HDAC4: variants seen among roughly 807,000 people sequenced by gnomAD.
HDAC4 encodes the protein histone deacetylase 4, also known as histone deacetylase A.
A neutral mutation model predicts 135.1 loss-of-function variants in HDAC4; 16 were observed. That is an observed-to-expected ratio of 0.12 (90% CI 0.08 to 0.18). The LOEUF is 0.18. Among genes scored for constraint, HDAC4 ranks in the 10% least tolerant of loss-of-function variants. The probability of loss-of-function intolerance (pLI) is 1.00; values close to 1 mark genes in which losing one functional copy is unlikely to be tolerated. For synonymous variants in HDAC4, 685 were observed against 653.4 expected, an observed-to-expected ratio of 1.05 and a Z score of -0.74; for missense variants, 1,143 against 1,511.8, an observed-to-expected ratio of 0.76 and a Z score of 4.05.
chr2:239,092,517 G>A (rs867765278), intron 17 of HDAC4, among the ~76,000 whole-genome samples: 4 of 152,224 alleles, frequency 2.6e-5, no homozygotes, highest in African/African-American at 9.6e-5. Flanking sequence ...CACCTGGGGT[G>A]CCAAGGAGCT....
At position 239,052,737 on chromosome 2, in the gene HDAC4, T is replaced by C. The variant is rs921533280; in HGVS notation, c.*360A>G. ...TATTAGATCTTTGATATTTGTTTTCTGTGCCTCGTGTCAACTGAATTCGGC... is the reference window on the plus strand; with the variant it reads ...TATTAGATCTTTGATATTTGTTTTCCGTGCCTCGTGTCAACTGAATTCGGC... On this transcript the variant is annotated 3_prime_UTR_variant, in exon 27 of 27. Coordinates refer to ENST00000543185, the MANE Select transcript of HDAC4 (RefSeq NM_001378414.1). 1.5e-5 allele frequency: 5 copies of C among 343,060 alleles called. No homozygotes were observed. The highest frequency in any genetic ancestry group is 2.2e-5 in the Non-Finnish European group (4 of 183,538). The allele number at this position is 343,060 out of a possible 1,614,324, so 21.3% of individuals were successfully genotyped here.
intron 12 of HDAC4, among the ~76,000 whole-genome samples, chr2:239,122,938 G>A (rs2039817978): frequency 6.6e-6 from 1 of 152,204 alleles, no homozygotes; most frequent in South Asian, 2.1e-4. Context: ...AGCCCCTGGG[G>A]ACGTCATCCT....
intron 3 of HDAC4, among the ~76,000 whole-genome samples, chr2:239,201,214 C>T (rs1364608652): frequency 2.0e-5 from 3 of 152,170 alleles, no homozygotes; most frequent in Non-Finnish European, 2.9e-5. Flanking sequence ...TGAGAGGAGG[C>T]TGGTCTTGCT....
At chr2:239,075,734 C>T (rs979537487) in intron 22 of HDAC4, among the ~76,000 whole-genome samples, 2 of 152,272 alleles carry the variant, frequency 1.3e-5, no homozygotes, top group African/African-American at 2.4e-5. Flanking sequence ...CACAGCACTG[C>T]ACCCTTCACT....
chr2:239,332,686 C>T (rs1035322599), intron 2 of HDAC4, among the ~76,000 whole-genome samples: 1 of 150,652 alleles, frequency 6.6e-6, no homozygotes, highest in South Asian at 2.1e-4. Flanking sequence ...AAAACAACAA[C>T]CCCAGCAAAT....
chr2:239,362,099 C>T (rs1415923362), intron 1 of HDAC4, among the ~76,000 whole-genome samples: 1 of 152,180 alleles, frequency 6.6e-6, no homozygotes, highest in Non-Finnish European at 1.5e-5. Flanking sequence ...CCCTAACTTA[C>T]CAGATGCACT....
intron 1 of HDAC4, among the ~76,000 whole-genome samples, chr2:239,363,703 C>T (rs990535113): frequency 1.3e-5 from 2 of 152,006 alleles, no homozygotes; most frequent in African/African-American, 4.8e-5. Flanking sequence ...AGGTACTGAC[C>T]ATGAAGGAAA....
At chr2:239,171,513 G>A (rs1427540963) in intron 5 of HDAC4, among the ~76,000 whole-genome samples, 1 of 152,214 alleles carries the variant, frequency 6.6e-6, no homozygotes, top group African/African-American at 2.4e-5. Flanking sequence ...GATACTGAAA[G>A]CTAATCCAAC....
chr2:239,120,871 C>CA (rs2039624993), intron 12 of HDAC4, among the ~76,000 whole-genome samples: 1 of 151,944 alleles, frequency 6.6e-6, no homozygotes, highest in Non-Finnish European at 1.5e-5. Flanking sequence ...AGCAAATGGC[C>CA]ACTCCCAGGA....
rs571258611 is a variant in HDAC4, at chr2:239,231,887, C to T, written c.94+4706G>A. ...TGTCCTCAACCGAGGTTGCTGAGCA[C>T]CTGCTCCCGGATGCCTGAGGTAGGT... On this transcript the variant is annotated intron_variant, in intron 3 of 26. Coordinates refer to ENST00000543185, the MANE Select transcript of HDAC4 (RefSeq NM_001378414.1). 9.0e-4 allele frequency among the ~76,000 whole-genome samples: 124 copies of T among 137,308 alleles called. 2 individuals are homozygous for T. In the East Asian group the frequency reaches 0.016, roughly 18 times the overall value. 90.1% of individuals were successfully genotyped at this position (137,308 alleles called of 152,430 possible). A position where few individuals can be genotyped will look rare whatever the true frequency, so the allele number is the denominator to read the frequency against.
chr2:239,135,857 TAA>T (rs2040917783), intron 9 of HDAC4, among the ~76,000 whole-genome samples: 1 of 152,186 alleles, frequency 6.6e-6, no homozygotes, highest in Non-Finnish European at 1.5e-5. Context: ...TATGATACAT[TAA>T]GTTAGAAAAA....
At chr2:239,144,827 T>G in intron 7 of HDAC4, 113 bp from the exon 8 acceptor site, 2 of 1,110,546 alleles carry the variant, frequency 1.8e-6, no homozygotes, top group Non-Finnish European at 2.7e-6. Flanking sequence ...TGCTCAACAC[T>G]GCTGTGTTGC....
At chr2:239,062,396 C>T (rs915440666) in intron 24 of HDAC4, among the ~76,000 whole-genome samples, 1 of 152,250 alleles carries the variant, frequency 6.6e-6, no homozygotes, top group Non-Finnish European at 1.5e-5. Context: ...TATCAACCTT[C>T]ATCAAAGGCT....
At chr2:239,101,900 C>G (rs957860516) in intron 16 of HDAC4, among the ~76,000 whole-genome samples, 3 of 151,348 alleles carry the variant, frequency 2.0e-5, no homozygotes, top group Non-Finnish European at 3.0e-5. Context: ...GTTCTGTGCC[C>G]TGGGAGCCCC....
intron 2 of HDAC4, among the ~76,000 whole-genome samples, chr2:239,332,663 A>G (rs192639609): frequency 2.4e-4 from 37 of 152,064 alleles, no homozygotes; most frequent in Admixed American, 2.4e-3. Flanking sequence ...CTAAATATTT[A>G]CCTTAATCAG....
chr2:239,066,921 C>T (rs374590117), intron 23 of HDAC4, 66 bp from the exon 24 acceptor site: 28 of 1,571,530 alleles, frequency 1.8e-5, no homozygotes, highest in Middle Eastern at 1.7e-4. Context: ...AGCCCAGAAA[C>T]GCGTCTCATG....
chr2:239,280,938 CACACCACTCTACAAT>C lies in HDAC4; in HGVS notation c.23-44289_23-44275del, dbSNP rs1215366839. On this transcript the variant is annotated intron_variant, in intron 2 of 26. Coordinates refer to ENST00000543185, the MANE Select transcript of HDAC4 (RefSeq NM_001378414.1). The stretch of plus-strand genomic sequence containing the variant: ...TACACACCACTCTCCACACAATGTA[CACACCACTCTACAAT>C]GTACACACCACTCTACAATGAACAC... Among the ~76,000 whole-genome samples the C allele has an allele frequency of 3.5e-5, 5 of 141,732 alleles. 1 individual carries two copies. The highest frequency in any genetic ancestry group is 1.5e-4 in the African/African-American group (5 of 33,476). The allele number at this position is 141,732 out of a possible 152,430, so 93.0% of individuals were successfully genotyped here. A position where few individuals can be genotyped will look rare whatever the true frequency, so the allele number is the denominator to read the frequency against.
chr2:239,358,798 G>A (rs1052442818), intron 1 of HDAC4, among the ~76,000 whole-genome samples: 46 of 151,988 alleles, frequency 3.0e-4, no homozygotes, highest in African/African-American at 9.2e-4. Flanking sequence ...GTTTAATTCC[G>A]GTACACACAC....
chr2:239,262,357 G>A lies in HDAC4; in HGVS notation c.23-25693C>T, dbSNP rs748455092. ...ACAGAGTAGCAATTTGGTTCTCTGC[G>A]GAATCGTAAGTGGAAGGGATGTATT... On this transcript the variant is annotated intron_variant, in intron 2 of 26. Transcript: ENST00000543185. This position sits in a 1 kb window ranked among gnomAD's most constrained non-coding sequence, Gnocchi z 4.1. Among the ~76,000 whole-genome samples, 30 of 152,182 alleles carry A rather than the reference G, an allele frequency of 2.0e-4. No homozygotes were observed. The highest frequency in any genetic ancestry group is 4.1e-4 in the Non-Finnish European group (28 of 68,034).
Sources: gnomAD v4.1 joint callset for allele counts (sites outside exome capture counted in the v4.1 genomes callset) on GRCh38, gnomAD v4.1.1 for gene constraint, Gnocchi (gnomAD v3.1) non-coding constraint, MANE v1.5 for transcripts, NCBI Gene and HGNC (gene_info 2026-07-23, HGNC 2026-07-21) for gene names.